MICU1: variants seen among roughly 807,000 people sequenced by gnomAD.
The protein encoded by MICU1 is calcium uptake protein 1, mitochondrial.
Under a neutral mutation model 56.8 loss-of-function variants are expected in MICU1, and 45 were observed. That is an observed-to-expected ratio of 0.79 (90% CI 0.62 to 1.02). The LOEUF is 1.02. MICU1 is among the 50% of genes least tolerant of loss of function. The pLI is 0.00. For synonymous variants in MICU1, 186 were observed against 195.1 expected (o/e 0.95, Z 0.39); for missense variants, 504 against 587.1 (o/e 0.86, Z 1.46).
chr10:72,568,461 T>C (rs1305075342), intron 1 of MICU1, among the ~76,000 whole-genome samples: 1 of 152,146 alleles, frequency 6.6e-6, no homozygotes, highest in East Asian at 1.9e-4. Context: ...GAAGTGCTTT[T>C]AGGAGGTGCT....
At chr10:72,464,245 G>A (rs1000525610) in intron 8 of MICU1, among the ~76,000 whole-genome samples, 2 of 145,560 alleles carry the variant, frequency 1.4e-5, no homozygotes, top group South Asian at 2.2e-4. Context: ...GCAGTGAGCC[G>A]AGATTGTACC....
chr10:72,527,473 C>T (rs975823675), intron 5 of MICU1, among the ~76,000 whole-genome samples: 4 of 152,068 alleles, frequency 2.6e-5, no homozygotes, highest in Non-Finnish European at 5.9e-5. Context: ...AGCAGTCCCC[C>T]GACCTTATCC....
chr10:72,412,773 C>T (rs889930221), intron 9 of MICU1, among the ~76,000 whole-genome samples: 1 of 151,366 alleles, frequency 6.6e-6, no homozygotes, highest in African/African-American at 2.4e-5. Context: ...ATTGCTTGAA[C>T]CTGGGAGGCA....
chr10:72,602,970 G>A (rs1195494174), intron 1 of MICU1, among the ~76,000 whole-genome samples: 1 of 149,932 alleles, frequency 6.7e-6, no homozygotes. Flanking sequence ...CAAAAAATTA[G>A]CCGGGCGTGG....
At chr10:72,573,874 A>G (rs1287102443) in intron 1 of MICU1, among the ~76,000 whole-genome samples, 4 of 152,176 alleles carry the variant, frequency 2.6e-5, no homozygotes, top group African/African-American at 9.7e-5. Flanking sequence ...AAGCTTCCCT[A>G]GTGAGATAAA....
intron 1 of MICU1, among the ~76,000 whole-genome samples, chr10:72,593,245 T>C (rs371219527): frequency 6.6e-6 from 1 of 152,174 alleles, no homozygotes; most frequent in East Asian, 1.9e-4. Flanking sequence ...GATGTCTACT[T>C]TCACTGCTTT....
intron 4 of MICU1, among the ~76,000 whole-genome samples, chr10:72,547,787 A>G (rs1023498851): frequency 2.0e-5 from 3 of 152,276 alleles, no homozygotes; most frequent in Admixed American, 1.3e-4. Flanking sequence ...TTCTTCCACA[A>G]ATAAATGGTG....
At chr10:72,439,047 T>C (rs531001892) in intron 8 of MICU1, among the ~76,000 whole-genome samples, 1 of 152,316 alleles carries the variant, frequency 6.6e-6, no homozygotes, top group African/African-American at 2.4e-5. Flanking sequence ...CTAACTCATT[T>C]TATAAGGCCA....
chr10:72,592,446 TGAA>T (rs1280978903), intron 1 of MICU1, among the ~76,000 whole-genome samples: 3 of 152,178 alleles, frequency 2.0e-5, no homozygotes, highest in Non-Finnish European at 4.4e-5. Flanking sequence ...TCCACAAGAT[TGAA>T]GAAGAGGAAA....
intron 8 of MICU1, among the ~76,000 whole-genome samples, chr10:72,433,101 C>T (rs1864596576): frequency 6.6e-6 from 1 of 151,750 alleles, no homozygotes; most frequent in Non-Finnish European, 1.5e-5. Flanking sequence ...CCATGCCCAG[C>T]TAATGTTTTG....
At chr10:72,413,029 T>C (rs775333753) in intron 9 of MICU1, among the ~76,000 whole-genome samples, 1 of 151,558 alleles carries the variant, frequency 6.6e-6, no homozygotes, top group Non-Finnish European at 1.5e-5. Context: ...AAACCCTGTC[T>C]CTACTAAAAA....
chr10:72,485,917 C>A (rs996434401), intron 6 of MICU1, among the ~76,000 whole-genome samples: 52 of 150,774 alleles, frequency 3.4e-4, no homozygotes, highest in South Asian at 2.1e-3. Context: ...ACACACACAC[C>A]CCCTATGTGT....
chr10:72,580,845 A>G (rs1161525800), intron 1 of MICU1, among the ~76,000 whole-genome samples: 1 of 152,214 alleles, frequency 6.6e-6, no homozygotes, highest in Non-Finnish European at 1.5e-5. Context: ...TCATTTCCCT[A>G]TGGAAAACAA....
intron 8 of MICU1, among the ~76,000 whole-genome samples, chr10:72,459,677 C>T (rs1865587156): frequency 3.3e-5 from 5 of 152,154 alleles, no homozygotes; most frequent in Non-Finnish European, 1.5e-5. Flanking sequence ...GTGAGCTCAT[C>T]AATTCCCAAT....
chr10:72,384,835 TATAA>T (rs1862833615), intron 10 of MICU1, among the ~76,000 whole-genome samples: 2 of 152,162 alleles, frequency 1.3e-5, no homozygotes, highest in South Asian at 4.1e-4. Flanking sequence ...CCTCTTCACA[TATAA>T]ATGTTTTTAC....
intron 8 of MICU1, among the ~76,000 whole-genome samples, chr10:72,472,502 G>T (rs1429761535): frequency 6.6e-6 from 1 of 151,948 alleles, no homozygotes; most frequent in Non-Finnish European, 1.5e-5. Context: ...ACTAGACAGA[G>T]AAGTTATCTA....
chr10:72,567,621 C>T (rs140251804), intron 1 of MICU1, among the ~76,000 whole-genome samples: 1 of 152,262 alleles, frequency 6.6e-6, no homozygotes, highest in East Asian at 1.9e-4. Context: ...ACAACTCATG[C>T]CAGCGGAATT....
At chr10:72,561,863 G>T (rs936323422) in intron 3 of MICU1, among the ~76,000 whole-genome samples, 2 of 152,158 alleles carry the variant, frequency 1.3e-5, no homozygotes, top group African/African-American at 4.8e-5. Flanking sequence ...AGAAGATCCA[G>T]ATTTTACAAA....
intron 6 of MICU1, among the ~76,000 whole-genome samples, chr10:72,497,900 T>C (rs1360606407): frequency 6.6e-6 from 1 of 152,198 alleles, no homozygotes; most frequent in Non-Finnish European, 1.5e-5. Flanking sequence ...AAATACAATA[T>C]CAGGTGCTCT....
Sources: gnomAD v4.1 joint callset for allele counts (sites outside exome capture counted in the v4.1 genomes callset) on GRCh38, gnomAD v4.1.1 for gene constraint, MANE v1.5 for transcripts, NCBI Gene and HGNC (gene_info 2026-07-23, HGNC 2026-07-21) for gene names.